MTHFD1L: variants seen among roughly 807,000 people sequenced by gnomAD.
The protein encoded by MTHFD1L is methylenetetrahydrofolate dehydrogenase (NADP+ dependent) 1 like, also known as monofunctional C1-tetrahydrofolate synthase, mitochondrial.
Under a neutral mutation model 119.5 loss-of-function variants are expected in MTHFD1L, and 81 were observed. The ratio of observed to expected loss-of-function variants is 0.68; its 90% CI spans 0.57 to 0.82. The LOEUF (loss-of-function observed/expected upper bound fraction) is 0.82, where lower values mean the gene tolerates loss of function less well. Ranked by LOEUF, MTHFD1L falls within the 40% of genes least tolerant of loss-of-function variation. The pLI, the probability that MTHFD1L is intolerant of heterozygous loss-of-function variation, is 0.00. For missense variants in MTHFD1L, 1,125 were observed against 1,253.4 expected, an observed-to-expected ratio of 0.90 and a Z score of 1.55; for synonymous variants, 430 against 475.2, an observed-to-expected ratio of 0.90 and a Z score of 1.24.
chr6:151,069,365 G>C (rs1791710040), intron 26 of MTHFD1L, among the ~76,000 whole-genome samples: 1 of 151,554 alleles, frequency 6.6e-6, no homozygotes, highest in Non-Finnish European at 1.5e-5. Flanking sequence ...AAACAAGTGA[G>C]GTACCCCCTT....
In MTHFD1L at chr6:150,918,644, C is replaced by T. The variant is rs865870096; in HGVS notation, c.960C>T (p.Leu320=). ...GGLIEEDDVI[L]LAAALRIQNM... is the part of the protein sequence containing the mutation. ...TCATTGAGGAAGATGATGTGATTCT[C>T]CTTGCTGCAGCTCTGCGAATTCAGG... The change falls in exon 9 of 28, where the codon CTC becomes CTT. Residue 320 remains leucine, a synonymous_variant. Coordinates refer to ENST00000367321, the MANE Select transcript of MTHFD1L (RefSeq NM_015440.5). 6.2e-7 allele frequency: 1 copy of T among 1,614,064 alleles called. No homozygotes were observed. Among genetic ancestry groups the T allele is most frequent in the South Asian group, 1.1e-5 (1 of 91,074 alleles).
intron 20 of MTHFD1L, among the ~76,000 whole-genome samples, chr6:151,008,979 G>A (rs377536920): frequency 8.8e-4 from 133 of 151,812 alleles, no homozygotes; most frequent in African/African-American, 2.2e-3. Context: ...AAAATTAGCC[G>A]GGTGTGGTGG....
At chr6:150,874,766 CTT>C (rs758695006) in intron 1 of MTHFD1L, among the ~76,000 whole-genome samples, 7 of 145,184 alleles carry the variant, frequency 4.8e-5, no homozygotes, top group Admixed American at 1.4e-4. Context: ...GCTCCTAACA[CTT>C]TTTTTTTTTT....
intron 26 of MTHFD1L, among the ~76,000 whole-genome samples, chr6:151,046,802 C>G (rs532449536): frequency 6.6e-5 from 10 of 152,084 alleles, no homozygotes; most frequent in African/African-American, 2.4e-4. Flanking sequence ...AACCAAGATA[C>G]CGGTTTTGTA....
intron 17 of MTHFD1L, chr6:150,959,205 G>A: frequency 3.0e-6 from 3 of 984,796 alleles, no homozygotes; most frequent in Non-Finnish European, 3.6e-6. Context: ...CAACCAGGAA[G>A]TAGCCAGAAA....
At chr6:150,909,319 C>T (rs912968765) in intron 8 of MTHFD1L, among the ~76,000 whole-genome samples, 3 of 151,660 alleles carry the variant, frequency 2.0e-5, no homozygotes, top group Non-Finnish European at 4.4e-5. Flanking sequence ...AAAAGTCTTG[C>T]TCTGTTGCCC....
intron 7 of MTHFD1L, chr6:150,898,980 A>G (rs1467326964): frequency 1.9e-6 from 2 of 1,038,252 alleles, no homozygotes; most frequent in African/African-American, 1.7e-5. Flanking sequence ...ATGAGTCATT[A>G]AAGTATATCC....
chr6:150,909,326 G>A (rs570554537), intron 8 of MTHFD1L, among the ~76,000 whole-genome samples: 13 of 150,314 alleles, frequency 8.6e-5, no homozygotes, highest in Non-Finnish European at 1.6e-4. Flanking sequence ...TTGCTCTGTT[G>A]CCCAGGCTAG....
Position 150,876,086 on chromosome 6 carries a change from G to A in MTHFD1L, c.228-4G>A, listed in dbSNP as rs367794865. 1 of 1,593,668 alleles carries A rather than the reference G, an allele frequency of 6.3e-7. No homozygotes were observed. Among genetic ancestry groups the A allele is most frequent in the African/African-American group, 1.3e-5 (1 of 74,364 alleles). ...TCACAATGTTGTTTTCTTTCTCAAT[G>A]TAGAGAAGTCATTCAGAATTCAAAA... On this transcript the variant is annotated splice_polypyrimidine_tract_variant and splice_region_variant and intron_variant, in intron 1 of 27. Transcript: ENST00000367321.
chr6:151,051,493 T>C (rs144135727), intron 26 of MTHFD1L, among the ~76,000 whole-genome samples: 70 of 152,338 alleles, frequency 4.6e-4, no homozygotes, highest in African/African-American at 1.7e-3. Flanking sequence ...TCTAGCGCTC[T>C]GTGGCTACTA....
In MTHFD1L at chr6:151,033,065, G is replaced by A. The variant is rs533846076; in HGVS notation, c.2587-1428G>A. Among the ~76,000 whole-genome samples the A allele has an allele frequency of 2.0e-5, 3 of 152,020 alleles. No homozygotes were observed. In the East Asian group the frequency reaches 5.8e-4, roughly 29 times the overall value. On this transcript the variant is annotated intron_variant, in intron 24 of 27. Coordinates refer to ENST00000367321, the MANE Select transcript of MTHFD1L (RefSeq NM_015440.5). The stretch of plus-strand genomic sequence containing the variant: ...TTGACATCTGTTCCATCAGCATTTG[G>A]TTCAGCAGTTGTTCACCAAACAGTA...
chr6:150,935,532 G>T, intron 11 of MTHFD1L: 2 of 1,554,278 alleles, frequency 1.3e-6, no homozygotes, highest in Non-Finnish European at 1.7e-6. Flanking sequence ...ATCATTAAAA[G>T]AAAAATTTTG....
chr6:151,086,428 A>G (rs993627722), intron 26 of MTHFD1L, among the ~76,000 whole-genome samples: 23 of 152,296 alleles, frequency 1.5e-4, no homozygotes, highest in African/African-American at 4.8e-4. Flanking sequence ...ACATCCAAAG[A>G]AAAGGGAAGA....
chr6:150,893,462 AGAGTT>A (rs1340558871), intron 7 of MTHFD1L, among the ~76,000 whole-genome samples: 1 of 150,432 alleles, frequency 6.6e-6, no homozygotes, highest in Non-Finnish European at 1.5e-5. Context: ...CAATGGTAAA[AGAGTT>A]AAGGAAAAAA....
chr6:150,954,857 C>T (rs1051643352), intron 16 of MTHFD1L, among the ~76,000 whole-genome samples: 3 of 151,950 alleles, frequency 2.0e-5, no homozygotes, highest in African/African-American at 4.8e-5. Context: ...GTGACCCTCC[C>T]GCCTCAGCCT....
At chr6:151,004,935 T>C (rs1457073955) in intron 20 of MTHFD1L, among the ~76,000 whole-genome samples, 1 of 152,218 alleles carries the variant, frequency 6.6e-6, no homozygotes, top group Non-Finnish European at 1.5e-5. Context: ...GAAGTCTACG[T>C]GATATGCCTT....
intron 19 of MTHFD1L, among the ~76,000 whole-genome samples, chr6:150,970,301 C>T (rs1286780074): frequency 6.6e-6 from 1 of 152,182 alleles, no homozygotes; most frequent in Admixed American, 6.5e-5. Flanking sequence ...CTGAGGAAGA[C>T]TTAAGACAAG....
intron 11 of MTHFD1L, among the ~76,000 whole-genome samples, chr6:150,927,853 G>A (rs1790309795): frequency 6.6e-6 from 1 of 152,008 alleles, no homozygotes; most frequent in Admixed American, 6.6e-5. Context: ...ACATCTTCTG[G>A]CACCTCTAGT....
intron 20 of MTHFD1L, among the ~76,000 whole-genome samples, chr6:151,003,779 T>C (rs1183713511): frequency 6.6e-6 from 1 of 152,078 alleles, no homozygotes; most frequent in Non-Finnish European, 1.5e-5. Context: ...TGTTTAATGA[T>C]GTTTTTGAGG....
Sources: allele counts gnomAD v4.1 joint callset (sites outside exome capture counted in the v4.1 genomes callset), GRCh38; gene constraint gnomAD v4.1.1; transcripts MANE v1.5; gene names NCBI Gene and HGNC (gene_info 2026-07-23, HGNC 2026-07-21).